Variants in TMEM259 observed in about 807,000 individuals in gnomAD.
The protein encoded by TMEM259 is membralin.
TMEM259 carries 26 observed loss-of-function variants against 46.7 expected under a neutral mutation model. That is an observed-to-expected ratio of 0.56 (90% CI 0.41 to 0.77). The LOEUF is 0.77. Among genes scored for constraint, TMEM259 ranks in the 30% least tolerant of loss-of-function variants. TMEM259 has a pLI of 0.00. For missense variants in TMEM259, 930 were observed against 900.5 expected (o/e 1.03, Z -0.42); for synonymous variants, 494 against 395.1 (o/e 1.25, Z -2.97).
In TMEM259 at chr19:1,017,150, C is replaced by T. The variant is rs1599487413; in HGVS notation, c.226-2677G>A. 1.3e-5 allele frequency: 5 copies of T among 398,276 alleles called. No homozygotes were observed. The East Asian group carries it at 1.4e-4, about 11-fold the overall frequency. The allele number at this position is 398,276 out of a possible 1,614,324, so 24.7% of individuals were successfully genotyped here. On this transcript the variant is annotated intron_variant, in intron 1 of 10. Transcript: ENST00000356663. Reference sequence around the variant, plus strand: ...CCAGACGCAGGCTCATCCCGAGTCCCGGGTCCTCCTCCCCAAGACCTGTCT... The same window carrying T: ...CCAGACGCAGGCTCATCCCGAGTCCTGGGTCCTCCTCCCCAAGACCTGTCT...
chr19:1,013,610 G>A (rs1436585370), intron 2 of TMEM259: 4 of 435,168 alleles, frequency 9.2e-6, no homozygotes, highest in African/African-American at 4.0e-5. Flanking sequence ...CCCCATGGAA[G>A]GGTCCATGAT....
chr19:1,014,187 C>T lies in TMEM259; in HGVS notation c.507+5G>A, dbSNP rs2039031503. 6.2e-7 allele frequency: 1 copy of T among 1,600,712 alleles called. No individual in the cohort carries two copies. The highest frequency in any genetic ancestry group is 8.6e-7 in the Non-Finnish European group (1 of 1,169,460). ...CTGCTGCAGCTGAGCCCAGGCCTGG[C>T]TCACCTTGATGGAGCTGTTCCCAAA... On this transcript the variant is annotated splice_donor_5th_base_variant and intron_variant, in intron 2 of 10. Coordinates refer to ENST00000356663, the MANE Select transcript of TMEM259 (RefSeq NM_001033026.2).
chr19:1,011,369 C>T lies in TMEM259; in HGVS notation c.1215G>A (p.Leu405=), dbSNP rs751633008. ...CHTSTSKRHW[L]RFFYLYHFAF... ...CCCTGCCCCCGCGCCACGCTCACCG[C>T]AGCCAATGCCGCTTGCTGGTGCTGG... is the stretch of plus-strand genomic sequence containing the variant. Residue 405 remains leucine, a splice_region_variant and synonymous_variant, in exon 9 of 11, where the codon CTG becomes CTA. Transcript: ENST00000356663. 1.3e-5 allele frequency: 21 copies of T among 1,572,986 alleles called. No homozygotes were observed. The Middle Eastern group carries it at 8.6e-4, about 64-fold the overall frequency.
rs780789535 is a variant in TMEM259, at chr19:1,010,223, A to G, written c.*127T>C. On this transcript the variant is annotated 3_prime_UTR_variant, in exon 11 of 11. Transcript: ENST00000356663. ...CCGCCTTCCGGGCAAACCCCACGAA[A>G]CCCTGAAAGCCCCCGACACAGGCTG... The G allele has an allele frequency of 6.4e-5, 61 of 953,858 alleles. No individual in the cohort carries two copies. The highest frequency in any genetic ancestry group is 8.6e-5 in the Non-Finnish European group (59 of 688,388). 59.1% of individuals were successfully genotyped at this position (953,858 alleles called of 1,614,324 possible). A position where few individuals can be genotyped will look rare whatever the true frequency, so the allele number is the denominator to read the frequency against.
chr19:1,011,583 C>G lies in TMEM259; in HGVS notation c.1081G>C (p.Val361Leu). 1.3e-6 allele frequency: 2 copies of G among 1,543,068 alleles called. No homozygotes were observed. Among genetic ancestry groups the G allele is most frequent in the Non-Finnish European group, 1.7e-6 (2 of 1,145,004 alleles). ...GGAGGCCGGGTGGGGTCCTCACCGA[C>G]GAGGGCCAGGATGACGGTCAGCAGG... ...APLLTVILALVGMEAIMSEFF... is the reference protein window; with the variant it reads ...APLLTVILALLGMEAIMSEFF... Residue 361 changes from valine to leucine, a missense_variant, in exon 8 of 11, where the codon GTC becomes CTC. Transcript: ENST00000356663.
intron 1 of TMEM259, among the ~76,000 whole-genome samples, chr19:1,015,789 C>A (rs1295247845): frequency 1.3e-5 from 2 of 152,222 alleles, no homozygotes; most frequent in African/African-American, 4.8e-5. Context: ...TGTGGCCGCA[C>A]AGCCATAGGC....
At chr19:1,016,803 G>A (rs963818167) in intron 1 of TMEM259, among the ~76,000 whole-genome samples, 1 of 152,160 alleles carries the variant, frequency 6.6e-6, no homozygotes, top group East Asian at 1.9e-4. Flanking sequence ...AGCGGGAGAG[G>A]GCACAGGACA....
chr19:1,010,764 GTTC>G lies in TMEM259; in HGVS notation c.1446_1448del (p.Met482_Asn483delinsIle), dbSNP rs2145559142. On this transcript the variant is annotated inframe_deletion, in exon 11 of 11. Transcript: ENST00000356663. ...CTGTAGCCGGGGCGCCCGAGTTGTT[GTTC>G]ATGTCATCGGGCAGCGCCGTGGGGG... is the stretch of plus-strand genomic sequence containing the variant. 2.6e-6 allele frequency: 4 copies of G among 1,546,960 alleles called. No homozygotes were observed. In the East Asian group the frequency reaches 9.6e-5, roughly 37 times the overall value.
Position 1,020,060 on chromosome 19 carries a change from C to T in TMEM259, c.225+712G>A, listed in dbSNP as rs963593521. Among the ~76,000 whole-genome samples the T allele has an allele frequency of 6.6e-6, 1 of 152,090 alleles. No homozygotes were observed. Among genetic ancestry groups the T allele is most frequent in the Non-Finnish European group, 1.5e-5 (1 of 67,996 alleles). On this transcript the variant is annotated intron_variant, in intron 1 of 10. Coordinates refer to ENST00000356663, the MANE Select transcript of TMEM259 (RefSeq NM_001033026.2). The surrounding 1 kb of genome is among the most constrained non-coding windows in gnomAD (Gnocchi z 4.0). The stretch of plus-strand genomic sequence containing the variant: ...AGGGGAGGCACGGGCGACAGACCCA[C>T]AACCTGAGCTCCTGAAGCAGGAAGG...
At position 1,011,995 on chromosome 19, in the gene TMEM259, G is replaced by T; in HGVS notation, c.842-3C>A. On this transcript the variant is annotated splice_region_variant and splice_polypyrimidine_tract_variant and intron_variant, in intron 5 of 10. Transcript: ENST00000356663. ...CGACACCACATTCCGCAGGAAGCCT[G>T]CAGCAGAAGGAGCCGTGAGCGCCCG... The T allele has an allele frequency of 1.2e-6, 2 of 1,611,866 alleles. No individual in the cohort carries two copies. The highest frequency in any genetic ancestry group is 1.7e-6 in the Non-Finnish European group (2 of 1,179,470).
rs1435205266 is a variant in TMEM259 at position 1,011,120 on chromosome 19, C to G, written c.1293G>C (p.Leu431=). ...CCTGGATGAAGAGCCAGGAGGTGAC[C>G]AGGGCCAGGCTGCTATACTGCCCAT... ...RFNGQYSSLA[L]VTSWLFIQHS... The change falls in exon 10 of 11, where the codon CTG becomes CTC. Residue 431 remains leucine, a synonymous_variant. Coordinates refer to ENST00000356663, the MANE Select transcript of TMEM259 (RefSeq NM_001033026.2). 1 of 1,600,014 alleles carries G rather than the reference C, an allele frequency of 6.2e-7. No homozygotes were observed. The highest frequency in any genetic ancestry group is 2.3e-5 in the East Asian group (1 of 44,104).
chr19:1,013,536 G>A lies in TMEM259; in HGVS notation c.508-196C>T, dbSNP rs961716211. On this transcript the variant is annotated intron_variant, in intron 2 of 10. Transcript: ENST00000356663. ...CTCAACACCAAGCCTGCCCTGCTGT[G>A]AGGCCATCTCCAGCACAGCTCTGAA... 4 of 566,330 alleles carry A rather than the reference G, an allele frequency of 7.1e-6. No homozygotes were observed. The African/African-American group carries it at 7.5e-5, about 11-fold the overall frequency. 35.1% of individuals were successfully genotyped at this position (566,330 alleles called of 1,614,324 possible). A position where few individuals can be genotyped will look rare whatever the true frequency, so the allele number is the denominator to read the frequency against.
chr19:1,015,846 G>T (rs1193090920), intron 1 of TMEM259, among the ~76,000 whole-genome samples: 1 of 152,182 alleles, frequency 6.6e-6, no homozygotes, highest in East Asian at 1.9e-4. Flanking sequence ...GTGAGCTGGG[G>T]CCTCCTCTCC....
rs2039247513 is a variant in TMEM259 at position 1,020,314 on chromosome 19, A to G, written c.225+458T>C. Reference sequence around the variant, plus strand: ...CCTGCGTCAGGCTGGGTTCTGGGCCAGCACATTGGGAGGGGAGAGAGGCCT... The same window carrying G: ...CCTGCGTCAGGCTGGGTTCTGGGCCGGCACATTGGGAGGGGAGAGAGGCCT... On this transcript the variant is annotated intron_variant, in intron 1 of 10. Coordinates refer to ENST00000356663, the MANE Select transcript of TMEM259 (RefSeq NM_001033026.2). The surrounding 1 kb of genome is among the most constrained non-coding windows in gnomAD (Gnocchi z 4.0). 2.0e-5 allele frequency among the ~76,000 whole-genome samples: 3 copies of G among 151,936 alleles called. No individual in the cohort carries two copies. Among genetic ancestry groups the G allele is most frequent in the Non-Finnish European group, 2.9e-5 (2 of 67,976 alleles).
chr19:1,017,260 C>A, intron 1 of TMEM259: 1 of 400,094 alleles, frequency 2.5e-6, no homozygotes, highest in Admixed American at 4.4e-5. Flanking sequence ...CCCACAGTAA[C>A]CCTCCCCAGG....
intron 4 of TMEM259, 80 bp downstream of exon 4, chr19:1,012,383 C>T (rs979167277): frequency 6.6e-7 from 1 of 1,519,758 alleles, no homozygotes; most frequent in Admixed American, 2.0e-5. Context: ...AGCCCCCCGT[C>T]CCGCACCAGC....
In TMEM259 at chr19:1,012,503, G is replaced by C; in HGVS notation, c.678C>G (p.Thr226=). The C allele has an allele frequency of 6.2e-7, 1 of 1,603,282 alleles. No homozygotes were observed. The highest frequency in any genetic ancestry group is 8.5e-7 in the Non-Finnish European group (1 of 1,176,558). The part of the protein sequence containing the change: ...EYGFLRLSQA[T]RQRLSIPVMV... ...TGACGGGGATGCTCAGGCGCTGGCG[G>C]GTGGCCTGCGACAGGCGAAGGAAGC... The change falls in exon 4 of 11, where the codon ACC becomes ACG. Residue 226 remains threonine (T), a synonymous_variant. Transcript: ENST00000356663.
intron 1 of TMEM259, among the ~76,000 whole-genome samples, chr19:1,015,639 C>T (rs756068152): frequency 2.0e-5 from 3 of 152,208 alleles, no homozygotes; most frequent in Non-Finnish European, 4.4e-5. Context: ...GGGGCGCCCA[C>T]GGCCACATGG....
chr19:1,016,621 T>C (rs1268608988), intron 1 of TMEM259, among the ~76,000 whole-genome samples: 1 of 152,168 alleles, frequency 6.6e-6, no homozygotes, highest in Non-Finnish European at 1.5e-5. Context: ...GCTGTTACCA[T>C]CCCTGGTTTA....
Sources: gnomAD v4.1 joint callset for allele counts (sites outside exome capture counted in the v4.1 genomes callset) on GRCh38, gnomAD v4.1.1 for gene constraint, Gnocchi (gnomAD v3.1) non-coding constraint, MANE v1.5 for transcripts, NCBI Gene and HGNC (gene_info 2026-07-23, HGNC 2026-07-21) for gene names.